The following PRKCB variants were observed in gnomAD, a reference collection of about 807,000 sequenced individuals.
PRKCB encodes the protein protein kinase C beta, also known as protein kinase C beta type.
Under a neutral mutation model 81.5 loss-of-function variants are expected in PRKCB, and 13 were observed. That is an observed-to-expected ratio of 0.16 (90% CI 0.10 to 0.25). The LOEUF is 0.25. Among genes scored for constraint, PRKCB ranks in the 10% least tolerant of loss-of-function variants. PRKCB has a pLI of 1.00. For missense variants in PRKCB, 509 were observed against 875.7 expected (o/e 0.58, Z 5.29); for synonymous variants, 335 against 321.4 (o/e 1.04, Z -0.45).
At chr16:23,961,937 C>A (rs533993170) in intron 2 of PRKCB, among the ~76,000 whole-genome samples, 1 of 152,250 alleles carries the variant, frequency 6.6e-6, no homozygotes, top group South Asian at 2.1e-4. Flanking sequence ...GAGTTGAGCC[C>A]TACTCCATAA....
intron 9 of PRKCB, among the ~76,000 whole-genome samples, chr16:24,142,105 C>T (rs1966910323): frequency 6.6e-6 from 1 of 152,114 alleles, no homozygotes. Context: ...CATTATTCCC[C>T]TTTTATGGAT....
chr16:24,047,494 G>A (rs941715808), intron 5 of PRKCB, among the ~76,000 whole-genome samples: 2 of 151,530 alleles, frequency 1.3e-5, no homozygotes, highest in Admixed American at 1.3e-4. Flanking sequence ...TCTCGCTACT[G>A]CACTCTAGGC....
intron 2 of PRKCB, among the ~76,000 whole-genome samples, chr16:23,933,967 TCCA>T (rs2141759803): frequency 7.0e-6 from 1 of 143,856 alleles, no homozygotes; most frequent in East Asian, 2.0e-4. Context: ...ACCTCATCCA[TCCA>T]TCCATCCATC....
At chr16:24,137,448 CA>C (rs1448768011) in intron 9 of PRKCB, among the ~76,000 whole-genome samples, 4 of 152,170 alleles carry the variant, frequency 2.6e-5, no homozygotes, top group African/African-American at 9.7e-5. Context: ...CTCAGCCTCC[CA>C]AAGCAGTGGG....
At chr16:24,150,955 C>A (rs2141951217) in intron 9 of PRKCB, among the ~76,000 whole-genome samples, 1 of 152,308 alleles carries the variant, frequency 6.6e-6, no homozygotes, top group East Asian at 1.9e-4. Context: ...TCTTCACACA[C>A]CCCTGTTTAT....
intron 3 of PRKCB, among the ~76,000 whole-genome samples, chr16:24,023,894 G>T (rs952874087): frequency 6.6e-6 from 1 of 152,100 alleles, no homozygotes; most frequent in Non-Finnish European, 1.5e-5. Context: ...TGTCCATTCC[G>T]TTTGGTCTGT....
At chr16:24,202,461 T>C (rs573823135) in intron 16 of PRKCB, among the ~76,000 whole-genome samples, 1 of 152,326 alleles carries the variant, frequency 6.6e-6, no homozygotes, top group East Asian at 1.9e-4. Context: ...CCTCACCATA[T>C]TATTAGGTGC....
intron 9 of PRKCB, among the ~76,000 whole-genome samples, chr16:24,140,748 G>T (rs953839903): frequency 6.6e-6 from 1 of 152,200 alleles, no homozygotes; most frequent in African/African-American, 2.4e-5. Context: ...AATTGGGAAA[G>T]TTGCAAGTCT....
chr16:23,980,562 G>A (rs1315604568), intron 2 of PRKCB, among the ~76,000 whole-genome samples: 1 of 152,168 alleles, frequency 6.6e-6, no homozygotes, highest in Non-Finnish European at 1.5e-5. Flanking sequence ...CAGCTTATAG[G>A]TAGTAAAATG....
At chr16:23,990,459 A>G (rs1228476564) in intron 3 of PRKCB, among the ~76,000 whole-genome samples, 2 of 151,024 alleles carry the variant, frequency 1.3e-5, no homozygotes, top group Non-Finnish European at 3.0e-5. Context: ...CTCTGTCTCG[A>G]AAAAAAAGAA....
At chr16:24,204,858 A>G (rs1193976047) in intron 16 of PRKCB, among the ~76,000 whole-genome samples, 1 of 152,162 alleles carries the variant, frequency 6.6e-6, no homozygotes, top group Non-Finnish European at 1.5e-5. Context: ...ACAGAGGCTC[A>G]TGCCTGTAAT....
At chr16:24,212,096 G>A (rs552364989) in intron 16 of PRKCB, among the ~76,000 whole-genome samples, 10 of 151,976 alleles carry the variant, frequency 6.6e-5, no homozygotes, top group South Asian at 2.1e-4. Context: ...ATCCTTTTTC[G>A]GCAACTCTCC....
At chr16:24,123,116 G>A (rs1036170209) in intron 8 of PRKCB, among the ~76,000 whole-genome samples, 3 of 152,366 alleles carry the variant, frequency 2.0e-5, no homozygotes, top group Non-Finnish European at 4.4e-5. Flanking sequence ...GGGAAGAGAA[G>A]TGGATGAAGG....
intron 2 of PRKCB, among the ~76,000 whole-genome samples, chr16:23,863,472 G>T (rs1036025058): frequency 4.5e-4 from 69 of 152,004 alleles, no homozygotes; most frequent in African/African-American, 1.5e-3. Context: ...TCTGGATCAG[G>T]ACTCCTTTCC....
intron 10 of PRKCB, among the ~76,000 whole-genome samples, chr16:24,171,332 A>G (rs948986538): frequency 3.3e-5 from 5 of 152,182 alleles, no homozygotes. Flanking sequence ...ACCTTCCCAT[A>G]GTACTGCTTG....
intron 2 of PRKCB, among the ~76,000 whole-genome samples, chr16:23,951,030 A>G (rs169029): frequency 0.56 from 85,048 of 151,960 alleles, 24,207 homozygotes; most frequent in East Asian, 0.65. Flanking sequence ...AGTATCCCAG[A>G]GGAGCCATAG....
At position 24,059,043 on chromosome 16, in the gene PRKCB, C is replaced by G. The variant is rs1007721839; in HGVS notation, c.529+23496C>G. 2.0e-5 allele frequency among the ~76,000 whole-genome samples: 3 copies of G among 151,980 alleles called. No individual in the cohort carries two copies. In the East Asian group the frequency reaches 5.8e-4, roughly 29 times the overall value. The stretch of plus-strand genomic sequence containing the variant: ...GACATGTGGATAGTGAGCGTGATAG[C>G]CAATTAGGGTTAGAAGTCACAGAAG... On this transcript the variant is annotated intron_variant, in intron 5 of 16. Coordinates refer to ENST00000643927, the MANE Select transcript of PRKCB (RefSeq NM_002738.7).
At chr16:24,138,784 CT>C (rs962503860) in intron 9 of PRKCB, among the ~76,000 whole-genome samples, 26 of 151,002 alleles carry the variant, frequency 1.7e-4, no homozygotes, top group African/African-American at 6.3e-4. Context: ...CCATTCTGCT[CT>C]CTGTTTCTTT....
chr16:24,071,436 T>TAAA (rs398042091), intron 5 of PRKCB, among the ~76,000 whole-genome samples: 2 of 57,296 alleles, frequency 3.5e-5, no homozygotes, highest in Non-Finnish European at 7.2e-5. Flanking sequence ...AGACCCTGTC[T>TAAA]AAAAAAAAAA....
Sources: allele counts gnomAD v4.1 joint callset (sites outside exome capture counted in the v4.1 genomes callset), GRCh38; gene constraint gnomAD v4.1.1; transcripts MANE v1.5; gene names NCBI Gene and HGNC (gene_info 2026-07-23, HGNC 2026-07-21).